The following OAS1 variants were observed in gnomAD, a reference collection of about 807,000 sequenced individuals.
OAS1 encodes the protein 2'-5'-oligoadenylate synthetase 1.
Under a neutral mutation model 38.5 loss-of-function variants are expected in OAS1, and 24 were observed. That is an observed-to-expected ratio of 0.62 (90% confidence interval 0.45 to 0.88). OAS1 has a LOEUF of 0.88. Among genes scored for constraint, OAS1 ranks in the 40% least tolerant of loss-of-function variants. The pLI, the probability that OAS1 is intolerant of heterozygous loss-of-function variation, is 0.00. For missense variants in OAS1, 482 were observed against 493.9 expected (o/e 0.98, Z 0.23); for synonymous variants, 169 against 193.9 (o/e 0.87, Z 1.07).
chr12:112,911,152 A>C lies in OAS1; in HGVS notation c.571A>C (p.Thr191Pro). The part of the protein sequence containing the change: ...QKEGEFSTCF[T>P]ELQRDFLKQR... ...AGAGGGCGAGTTCTCCACCTGCTTC[A>C]CAGAACTACAGAGAGACTTCCTGAA... Residue 191 changes from threonine to proline, a missense_variant, in exon 3 of 6, where the codon ACA (threonine) becomes CCA (proline). Transcript: ENST00000202917. The C allele has an allele frequency of 6.2e-7, 1 of 1,614,052 alleles. No individual in the cohort carries two copies. The highest frequency in any genetic ancestry group is 8.5e-7 in the Non-Finnish European group (1 of 1,180,006).
At position 112,916,504 on chromosome 12, in the gene OAS1, C is replaced by G; in HGVS notation, c.655-5C>G. 6.2e-7 allele frequency: 1 copy of G among 1,612,254 alleles called. No individual in the cohort carries two copies. The highest frequency in any genetic ancestry group is 8.5e-7 in the Non-Finnish European group (1 of 1,178,484). On this transcript the variant is annotated splice_polypyrimidine_tract_variant and splice_region_variant and intron_variant, in intron 3 of 5. Coordinates refer to ENST00000202917, the MANE Select transcript of OAS1 (RefSeq NM_016816.4). ...TTTTTTTCTGATTGTTTTTCCTCTT[C>G]TCAGTGTAAGAAGAAGCTTGGGAAG...
rs745473063 is a variant in OAS1 at position 112,919,371 on chromosome 12, T to A, written c.1039-18T>A. 1 of 1,602,352 alleles carries A rather than the reference T, an allele frequency of 6.2e-7. No individual in the cohort carries two copies. Among genetic ancestry groups the A allele is most frequent in the Non-Finnish European group, 8.5e-7 (1 of 1,172,168 alleles). On this transcript the variant is annotated intron_variant, in intron 5 of 5. Transcript: ENST00000202917. The stretch of plus-strand genomic sequence containing the variant: ...GCAGGAAGACTCCCTGATGTGATCA[T>A]GTGTCTCACCCTTTCAGGCTGAAAG...
Position 112,911,250 on chromosome 12 carries a change from C to G in OAS1, c.654+15C>G, listed in dbSNP as rs2043377009. 1 of 1,604,942 alleles carries G rather than the reference C, an allele frequency of 6.2e-7. No individual in the cohort carries two copies. Among genetic ancestry groups the G allele is most frequent in the Admixed American group, 1.7e-5 (1 of 59,376 alleles). ...GGTACCAAAATGTATGGCCCTCCCA[C>G]CAGGCCTGGTGGGTCCTGTCTCGAC... On this transcript the variant is annotated intron_variant, in intron 3 of 5. Coordinates refer to ENST00000202917, the MANE Select transcript of OAS1 (RefSeq NM_016816.4).
chr12:112,916,773 T>G (rs1375597359), intron 4 of OAS1, 35 bp downstream of exon 4: 5 of 1,470,660 alleles, frequency 3.4e-6, no homozygotes, highest in Non-Finnish European at 4.8e-6. Context: ...CTCCCCTATG[T>G]AAATGAACAC....
intron 3 of OAS1, 26 bp downstream of exon 3, chr12:112,911,261 G>A: frequency 2.5e-6 from 4 of 1,595,154 alleles, no homozygotes; most frequent in Non-Finnish European, 3.4e-6. Flanking sequence ...CAGGCCTGGT[G>A]GGTCCTGTCT....
intron 4 of OAS1, 108 bp from the exon 5 acceptor site, chr12:112,917,439 T>G (rs2043476512): frequency 6.9e-7 from 1 of 1,459,094 alleles, no homozygotes; most frequent in Non-Finnish European, 9.4e-7. Context: ...CCTCATGTTC[T>G]GAGTCCCAGT....
chr12:112,924,506 T>A (rs1007411655), downstream of OAS1, among the ~76,000 whole-genome samples: 10 of 151,962 alleles, frequency 6.6e-5, no homozygotes, highest in African/African-American at 2.4e-4. Context: ...TTCTGATCCA[T>A]GAACTTGGAG....
intron 4 of OAS1, 121 bp downstream of exon 4, chr12:112,916,859 A>G (rs1444297061): frequency 5.3e-6 from 4 of 752,866 alleles, no homozygotes; most frequent in Non-Finnish European, 9.2e-6. Flanking sequence ...CCTGTTGCCC[A>G]TCATTGTACT....
At chr12:112,921,872 C>A (rs1374724784), downstream of OAS1, among the ~76,000 whole-genome samples, 1 of 152,216 alleles carries the variant, frequency 6.6e-6, no homozygotes. Context: ...ACTGTGATAG[C>A]CCTCACTTAA....
At chr12:112,931,472 C>A (rs1253023272) in intron 6 of OAS1, among the ~76,000 whole-genome samples, 2 of 152,078 alleles carry the variant, frequency 1.3e-5, no homozygotes, top group Non-Finnish European at 2.9e-5. Flanking sequence ...AGGATTTGTA[C>A]GAAGATTAAA....
chr12:112,919,689 C>T lies in OAS1; in HGVS notation c.*136C>T. ...ATAATCCAGGACAGAACCCAGGTCT[C>T]CTGACTCCTGGCCTTCTATGCCCTC... On this transcript the variant is annotated 3_prime_UTR_variant, in exon 6 of 6. Coordinates refer to ENST00000202917, the MANE Select transcript of OAS1 (RefSeq NM_016816.4). 1.1e-5 allele frequency: 17 copies of T among 1,551,996 alleles called. No individual in the cohort carries two copies. The highest frequency in any genetic ancestry group is 1.5e-5 in the Non-Finnish European group (17 of 1,145,720).
In OAS1 at chr12:112,917,637, C is replaced by T; in HGVS notation, c.975C>T (p.Ala325=). ...GWRQLAQEAE[A]WLNYPCFKNW... ...GGCAGCTGGCACAAGAGGCTGAGGC[C>T]TGGCTGAATTACCCATGCTTTAAGA... Residue 325 remains alanine, a synonymous_variant, in exon 5 of 6, where the codon GCC becomes GCT. Transcript: ENST00000202917. The T allele has an allele frequency of 6.2e-7, 1 of 1,614,222 alleles. No individual in the cohort carries two copies. The highest frequency in any genetic ancestry group is 8.5e-7 in the Non-Finnish European group (1 of 1,180,038).
chr12:112,917,870 C>T (rs537972556), intron 5 of OAS1, 170 bp downstream of exon 5: 217 of 1,499,406 alleles, frequency 1.4e-4, no homozygotes, highest in Admixed American at 2.3e-4. Context: ...TGGTCACAAT[C>T]GAGGGTTTCT....
intron 3 of OAS1, among the ~76,000 whole-genome samples, chr12:112,914,737 T>TG (rs2043432018): frequency 6.6e-6 from 1 of 150,538 alleles, no homozygotes; most frequent in South Asian, 2.1e-4. Context: ...TTTGTTTTTT[T>TG]TTTTTTTTTT....
chr12:112,918,293 G>C (rs1477959121), intron 5 of OAS1: 1 of 186,116 alleles, frequency 5.4e-6, no homozygotes, highest in Admixed American at 5.4e-5. Flanking sequence ...ATTCACTTCG[G>C]ATAATGGCCT....
rs1292946725 is a variant in OAS1 at position 112,917,616 on chromosome 12, G to A, written c.954G>A (p.Gln318=). ...LGGGDPKGWR[Q]LAQEAEAWLN... is the part of the protein sequence containing the mutation. ...GTGGAGACCCAAAGGGTTGGAGGCA[G>A]CTGGCACAAGAGGCTGAGGCCTGGC... is the stretch of plus-strand genomic sequence containing the variant. The change falls in exon 5 of 6, where the codon CAG becomes CAA. Residue 318 remains glutamine (Q), a synonymous_variant. Coordinates refer to ENST00000202917, the MANE Select transcript of OAS1 (RefSeq NM_016816.4). 1 of 1,614,216 alleles carries A rather than the reference G, an allele frequency of 6.2e-7. No individual in the cohort carries two copies. Among genetic ancestry groups the A allele is most frequent in the South Asian group, 1.1e-5 (1 of 91,080 alleles).
At chr12:112,911,564 A>G (rs1213298200) in intron 3 of OAS1, among the ~76,000 whole-genome samples, 1 of 152,216 alleles carries the variant, frequency 6.6e-6, no homozygotes, top group Non-Finnish European at 1.5e-5. Flanking sequence ...ACGCACGCAC[A>G]CACACACAGA....
downstream of OAS1, among the ~76,000 whole-genome samples, chr12:112,920,846 TATTCTC>T (rs1459161962): frequency 2.0e-5 from 3 of 152,328 alleles, no homozygotes; most frequent in African/African-American, 7.2e-5. Context: ...GTTTTGTTGT[TATTCTC>T]ATAATATTAA....
At position 112,911,235 on chromosome 12, in the gene OAS1, T is replaced by C. The variant is rs1297996794; in HGVS notation, c.654T>C (p.Asn218=). The C allele has an allele frequency of 1.2e-6, 2 of 1,602,342 alleles. No individual in the cohort carries two copies. Among genetic ancestry groups the C allele is most frequent in the Admixed American group, 1.7e-5 (1 of 58,922 alleles). ...GCCTAGTCAAGCACTGGTACCAAAATGTATGGCCCTCCCACCAGGCCTGGT... is the reference window on the plus strand; with the variant it reads ...GCCTAGTCAAGCACTGGTACCAAAACGTATGGCCCTCCCACCAGGCCTGGT... ...LIRLVKHWYQ[N]CKKKLGKLPP... is the part of the protein sequence containing the mutation. Residue 218 remains asparagine (N), a splice_region_variant and synonymous_variant, in exon 3 of 6, where the codon AAT becomes AAC. Transcript: ENST00000202917.
Sources: gnomAD v4.1 joint callset for allele counts (sites outside exome capture counted in the v4.1 genomes callset) on GRCh38, gnomAD v4.1.1 for gene constraint, MANE v1.5 for transcripts, NCBI Gene and HGNC (gene_info 2026-07-23, HGNC 2026-07-21) for gene names.